GSK3B: variants seen among roughly 807,000 people sequenced by gnomAD.
GSK3B encodes glycogen synthase kinase-3 beta.
Under a neutral mutation model 56.4 loss-of-function variants are expected in GSK3B, and 15 were observed. The observed-to-expected ratio is 0.27, with a 90% CI of 0.18 to 0.41. GSK3B has a LOEUF of 0.41. GSK3B is among the 10% of genes least tolerant of loss of function. The probability of loss-of-function intolerance (pLI) is 1.00; values close to 1 mark genes in which losing one functional copy is unlikely to be tolerated. For synonymous variants in GSK3B, 181 were observed against 188.9 expected (o/e 0.96, Z 0.34); for missense variants, 300 against 513.4 (o/e 0.58, Z 4.02).
chr3:119,886,758 C>T (rs1347373573), intron 7 of GSK3B, among the ~76,000 whole-genome samples: 1 of 152,046 alleles, frequency 6.6e-6, no homozygotes, highest in Non-Finnish European at 1.5e-5. Context: ...AAGCAAATTA[C>T]TGCAAGAATA....
chr3:120,003,579 A>G (rs955766203), intron 1 of GSK3B, among the ~76,000 whole-genome samples: 2 of 152,232 alleles, frequency 1.3e-5, no homozygotes, highest in Non-Finnish European at 2.9e-5. Context: ...TAATAAAAGA[A>G]AAGTAATATA....
intron 5 of GSK3B, among the ~76,000 whole-genome samples, chr3:119,913,350 A>G (rs2056753065): frequency 6.6e-6 from 1 of 152,110 alleles, no homozygotes. Context: ...TTATTACCCA[A>G]TAAATTATAA....
intron 1 of GSK3B, among the ~76,000 whole-genome samples, chr3:120,037,908 GAATAA>G (rs1360240410): frequency 1.3e-5 from 2 of 151,906 alleles, no homozygotes; most frequent in East Asian, 1.9e-4. Flanking sequence ...ACACTATAGA[GAATAA>G]AATAAGAGGA....
chr3:119,852,935 C>A (rs905590906), intron 9 of GSK3B, among the ~76,000 whole-genome samples: 3 of 152,056 alleles, frequency 2.0e-5, no homozygotes, highest in East Asian at 1.9e-4. Context: ...TAATTAGATC[C>A]CATTTGTCTA....
chr3:120,051,783 G>A (rs866476732), intron 1 of GSK3B, among the ~76,000 whole-genome samples: 2,329 of 145,106 alleles, frequency 0.016, 62 homozygotes, highest in African/African-American at 0.056. Context: ...AAAAAAAAAA[G>A]ATATGAGTAA....
intron 1 of GSK3B, among the ~76,000 whole-genome samples, chr3:120,050,962 A>C (rs1466275444): frequency 1.3e-5 from 2 of 152,136 alleles, no homozygotes; most frequent in African/African-American, 4.8e-5. Flanking sequence ...TCTGCAGGCA[A>C]GACTGAGGAA....
intron 1 of GSK3B, among the ~76,000 whole-genome samples, chr3:120,028,460 C>T (rs1386118518): frequency 6.6e-6 from 1 of 152,118 alleles, no homozygotes; most frequent in African/African-American, 2.4e-5. Context: ...ATTAAAAGGC[C>T]TAAATCTATC....
intron 2 of GSK3B, among the ~76,000 whole-genome samples, chr3:119,952,680 G>C (rs879604163): frequency 6.7e-6 from 1 of 148,154 alleles, no homozygotes; most frequent in Non-Finnish European, 1.5e-5. Context: ...ATTAATAGCC[G>C]ACTAATCATC....
At position 120,048,291 on chromosome 3, in the gene GSK3B, T is replaced by C. The variant is rs150154967; in HGVS notation, c.88+45056A>G. ...AAAAATAAACCTACCTTTAACCATTTAGTATTTCCTCATTTCCTCCTCTGT... is the reference window on the plus strand; with the variant it reads ...AAAAATAAACCTACCTTTAACCATTCAGTATTTCCTCATTTCCTCCTCTGT... On this transcript the variant is annotated intron_variant, in intron 1 of 10. Coordinates refer to ENST00000264235, the MANE Select transcript of GSK3B (RefSeq NM_001146156.2). Among the ~76,000 whole-genome samples the C allele has an allele frequency of 6.0e-3, 920 of 152,360 alleles. 7 individuals are homozygous for C. The highest frequency in any genetic ancestry group is 9.8e-3 in the Non-Finnish European group (670 of 68,028).
intron 1 of GSK3B, among the ~76,000 whole-genome samples, chr3:120,051,673 A>G (rs1367067263): frequency 6.6e-6 from 1 of 151,942 alleles, no homozygotes; most frequent in Admixed American, 6.6e-5. Context: ...AGGCTGAGGC[A>G]CGAGAATCAC....
rs554569840 is a variant in GSK3B, at chr3:120,073,726, C to T, written c.88+19621G>A. Among the ~76,000 whole-genome samples the T allele has an allele frequency of 3.3e-5, 5 of 152,228 alleles. No homozygotes were observed. The East Asian group carries it at 7.7e-4, about 24-fold the overall frequency. On this transcript the variant is annotated intron_variant, in intron 1 of 10. Coordinates refer to ENST00000264235, the MANE Select transcript of GSK3B (RefSeq NM_001146156.2). ...AGTGGAGCAATTAAGAGAACAGGTT[C>T]GAAGTATGGCTATGCATCTTGCTGG...
chr3:119,912,030 G>A (rs1318285687), intron 6 of GSK3B, among the ~76,000 whole-genome samples: 1 of 152,134 alleles, frequency 6.6e-6, no homozygotes, highest in East Asian at 1.9e-4. Flanking sequence ...GGCTAACTGT[G>A]TGGCACAATT....
intron 9 of GSK3B, among the ~76,000 whole-genome samples, chr3:119,852,275 T>A (rs945549771): frequency 6.6e-6 from 1 of 152,348 alleles, no homozygotes; most frequent in East Asian, 1.9e-4. Context: ...TACAGGTGTT[T>A]TTAGAAGTTA....
chr3:119,961,500 C>T (rs1157474862), intron 2 of GSK3B, among the ~76,000 whole-genome samples: 1 of 151,866 alleles, frequency 6.6e-6, no homozygotes, highest in African/African-American at 2.4e-5. Flanking sequence ...TGGTGGCACA[C>T]ACCTATAGTC....
chr3:119,956,292 A>G (rs753301728), intron 2 of GSK3B, among the ~76,000 whole-genome samples: 25 of 152,238 alleles, frequency 1.6e-4, no homozygotes, highest in Non-Finnish European at 3.5e-4. Context: ...GAAAAGGTCC[A>G]GAAAGCAATA....
At chr3:120,078,934 C>T (rs1030971400) in intron 1 of GSK3B, among the ~76,000 whole-genome samples, 2 of 149,366 alleles carry the variant, frequency 1.3e-5, no homozygotes, top group African/African-American at 5.0e-5. Flanking sequence ...CACACACACA[C>T]ACACACACAC....
intron 2 of GSK3B, among the ~76,000 whole-genome samples, chr3:119,988,944 T>C (rs145028435): frequency 2.3e-4 from 35 of 152,340 alleles, no homozygotes; most frequent in African/African-American, 7.2e-4. Context: ...TAAAAAACCA[T>C]AGCACACCTG....
chr3:119,910,040 C>T (rs2056720339), intron 6 of GSK3B, among the ~76,000 whole-genome samples: 1 of 152,098 alleles, frequency 6.6e-6, no homozygotes, highest in Non-Finnish European at 1.5e-5. Context: ...TATGGCCATA[C>T]TATCACTTTC....
At chr3:120,066,241 TC>T (rs2058277563) in intron 1 of GSK3B, among the ~76,000 whole-genome samples, 1 of 151,836 alleles carries the variant, frequency 6.6e-6, no homozygotes. Context: ...TAAATACTAC[TC>T]CCCACTAAAA....
Sources: gnomAD v4.1 joint callset for allele counts (sites outside exome capture counted in the v4.1 genomes callset) on GRCh38, gnomAD v4.1.1 for gene constraint, MANE v1.5 for transcripts, NCBI Gene and HGNC (gene_info 2026-07-23, HGNC 2026-07-21) for gene names.